SDS: variants seen among roughly 807,000 people sequenced by gnomAD.
The protein encoded by SDS is serine dehydratase.
Under a neutral mutation model 29.3 loss-of-function variants are expected in SDS, and 19 were observed. The ratio of observed to expected loss-of-function variants is 0.65; its 90% CI spans 0.45 to 0.95. The LOEUF is 0.95. Among genes scored for constraint, SDS ranks in the 40% least tolerant of loss-of-function variants. The probability of loss-of-function intolerance (pLI) is 0.00; values close to 1 mark genes in which losing one functional copy is unlikely to be tolerated. For missense variants in SDS, 375 were observed against 439.9 expected (o/e 0.85, Z 1.32); for synonymous variants, 176 against 189.0 (o/e 0.93, Z 0.56).
intron 1 of SDS, among the ~76,000 whole-genome samples, 170 bp from the exon 2 acceptor site, chr12:113,399,880 C>T (rs552596188): frequency 2.6e-5 from 4 of 152,340 alleles, no homozygotes; most frequent in Admixed American, 1.3e-4. Flanking sequence ...CACCATGTGA[C>T]ATCAGACAGG....
rs766361189 is a variant in SDS at position 113,393,092 on chromosome 12, C to T, written c.836G>A (p.Ser279Asn). Residue 279 changes from serine (S) to asparagine (N), a missense_variant, in exon 8 of 8, where the codon AGC (serine) becomes AAC (asparagine). Physicochemically the swap from Ser to Asn is conservative, Grantham distance 46 (BLOSUM62 1). Transcript: ENST00000257549. ...ACGAALAAVY[S>N]HVIQKLQLEG... ...CAGTTGGAGCTTCTGGATCACGTGG[C>T]TATAGACAGCGGCCAGGGCTGCCCC... The T allele has an allele frequency of 1.9e-6, 3 of 1,614,224 alleles. No homozygotes were observed. Among genetic ancestry groups the T allele is most frequent in the Non-Finnish European group, 2.5e-6 (3 of 1,180,038 alleles).
chr12:113,395,448 G>GC (rs1458550125), intron 6 of SDS, among the ~76,000 whole-genome samples: 3 of 152,236 alleles, frequency 2.0e-5, no homozygotes, highest in African/African-American at 7.2e-5. Flanking sequence ...ACTATTGTCT[G>GC]CCCCGGTGTC....
chr12:113,396,469 TTTTC>T (rs1278384261), intron 6 of SDS, among the ~76,000 whole-genome samples: 6 of 110,266 alleles, frequency 5.4e-5, no homozygotes, highest in Non-Finnish European at 1.1e-4. Flanking sequence ...CTTTCTCCTT[TTTTC>T]TTTCTTTCTC....
In SDS at chr12:113,392,862, G is replaced by T; in HGVS notation, c.*79C>A. On this transcript the variant is annotated 3_prime_UTR_variant, in exon 8 of 8. Coordinates refer to ENST00000257549, the MANE Select transcript of SDS (RefSeq NM_006843.3). ...GCCACAGGTGCTCAGCCAAACATACGACGAGGCGCTGGATAAAACTCCAGC... is the reference window on the plus strand; with the variant it reads ...GCCACAGGTGCTCAGCCAAACATACTACGAGGCGCTGGATAAAACTCCAGC... The T allele has an allele frequency of 7.3e-7, 1 of 1,364,830 alleles. No individual in the cohort carries two copies. Among genetic ancestry groups the T allele is most frequent in the Non-Finnish European group, 1.0e-6 (1 of 970,158 alleles). The allele number at this position is 1,364,830 out of a possible 1,614,324, so 84.5% of individuals were successfully genotyped here. A position where few individuals can be genotyped will look rare whatever the true frequency, so the allele number is the denominator to read the frequency against.
chr12:113,401,449 C>T (rs1457084866), intron 1 of SDS, among the ~76,000 whole-genome samples: 2 of 152,074 alleles, frequency 1.3e-5, no homozygotes, highest in African/African-American at 4.8e-5. Context: ...CCAGGCTGGT[C>T]TCCAACTCCT....
At chr12:113,398,213 G>T (rs1957660494) in intron 5 of SDS, among the ~76,000 whole-genome samples, 1 of 152,080 alleles carries the variant, frequency 6.6e-6, no homozygotes, top group Admixed American at 6.5e-5. Context: ...TGGGATTACA[G>T]GCGTGTGTCA....
chr12:113,399,598 G>T lies in SDS; in HGVS notation c.111C>A (p.Ser37=), dbSNP rs757369267. The change falls in exon 2 of 8, where the codon TCC becomes TCA. Residue 37 remains serine, a synonymous_variant. Transcript: ENST00000257549. ...VYLKMDSAQP[S]GSFKIRGIGH... ...CAATGCCCCGGATCTTGAAGGAGCC[G>T]GAGGGCTGGGCACTGTCCATCTTGA... 7 of 1,602,424 alleles carry T rather than the reference G, an allele frequency of 4.4e-6. No individual in the cohort carries two copies. In the East Asian group the frequency reaches 1.6e-4, roughly 36 times the overall value.
intron 5 of SDS, among the ~76,000 whole-genome samples, chr12:113,398,078 T>G (rs34835808): frequency 3.5e-5 from 5 of 141,898 alleles, no homozygotes; most frequent in South Asian, 2.2e-4. Context: ...TTTTTTTTTG[T>G]TTTTTTTTTT....
In SDS at chr12:113,393,899, C is replaced by T. The variant is rs1415695461; in HGVS notation, c.771G>A (p.Lys257=). The T allele has an allele frequency of 5.0e-6, 8 of 1,614,216 alleles. No homozygotes were observed. Among genetic ancestry groups the T allele is most frequent in the Admixed American group, 1.7e-5 (1 of 60,024 alleles). ...SDQEAVAAIE[K]FVDDEKILVE... is the part of the protein sequence containing the mutation. ...GGAGGACCTGGCACATACCCACGAACTTCTCAATGGCGGCCACAGCCTCCT... is the reference window on the plus strand; with the variant it reads ...GGAGGACCTGGCACATACCCACGAATTTCTCAATGGCGGCCACAGCCTCCT... Residue 257 remains lysine, a synonymous_variant, in exon 7 of 8, where the codon AAG becomes AAA. Coordinates refer to ENST00000257549, the MANE Select transcript of SDS (RefSeq NM_006843.3).
At chr12:113,400,666 T>C (rs1027688814) in intron 1 of SDS, among the ~76,000 whole-genome samples, 1 of 151,992 alleles carries the variant, frequency 6.6e-6, no homozygotes, top group African/African-American at 2.4e-5. Flanking sequence ...ATTTTTTTAA[T>C]TTTTTTATTT....
intron 6 of SDS, 42 bp downstream of exon 6, chr12:113,397,123 A>C (rs1957651691): frequency 1.9e-6 from 3 of 1,552,458 alleles, no homozygotes; most frequent in African/African-American, 2.7e-5. Context: ...GGGACTCCCC[A>C]GTGCTTGCTG....
intron 5 of SDS, 21 bp from the exon 6 acceptor site, chr12:113,397,413 G>A: frequency 6.3e-7 from 1 of 1,584,052 alleles, no homozygotes; most frequent in East Asian, 2.2e-5. Context: ...GGGAGAGGGG[G>A]TGGCAGGTCA....
intron 2 of SDS, 34 bp downstream of exon 2, chr12:113,399,521 AC>A: frequency 6.6e-7 from 1 of 1,505,958 alleles, no homozygotes. Context: ...AGGACCTGCC[AC>A]CCCTGCCCAG....
chr12:113,397,059 T>C (rs12820484), intron 6 of SDS, 106 bp downstream of exon 6: 43,407 of 1,027,400 alleles, frequency 0.042, 1,294 homozygotes, highest in African/African-American at 0.11. Context: ...GCCTCCATTG[T>C]CTCATCTGTG....
Position 113,392,994 on chromosome 12 carries a change from G to A in SDS, c.934C>T (p.Gln312Ter). ...AGCTGTTCCTTGAGCGCCCGCAGCT[G>A]GGCCAGGCTGATGTTGCTGCCCCCG... ...VCGGSNISLA[Q>*]LRALKEQLGM... Residue 312 changes from glutamine to a stop codon, truncating the protein, a stop_gained, in exon 8 of 8, where the codon CAG (glutamine) becomes TAG (stop). Transcript: ENST00000257549. LOFTEE classifies it high-confidence loss of function. The A allele has an allele frequency of 6.2e-7, 1 of 1,614,184 alleles. No individual in the cohort carries two copies.
At chr12:113,400,269 G>A (rs150325951) in intron 1 of SDS, among the ~76,000 whole-genome samples, 111 of 151,850 alleles carry the variant, frequency 7.3e-4, no homozygotes, top group African/African-American at 2.4e-3. Context: ...TCCTGCCTGG[G>A]TGACAGAGCA....
intron 6 of SDS, 36 bp from the exon 7 acceptor site, chr12:113,394,052 G>T (rs778287697): frequency 6.2e-7 from 1 of 1,609,242 alleles, no homozygotes; most frequent in East Asian, 2.2e-5. Context: ...GGATGGGAGT[G>T]GGGGAAACAG....
rs142172311 is a variant in SDS at position 113,394,105 on chromosome 12, A to T, written c.654-89T>A. The T allele has an allele frequency of 1.4e-3, 1,857 of 1,295,328 alleles. 21 individuals carry two copies. In the African/African-American group the frequency reaches 0.024, roughly 17 times the overall value. The allele number at this position is 1,295,328 out of a possible 1,614,324, so 80.2% of individuals were successfully genotyped here. On this transcript the variant is annotated intron_variant, in intron 6 of 7. Transcript: ENST00000257549. ...GGAGGGAGAGAAGGAGATGGATGTGAGACAGAGAAGGCAATGCATCTGGGG... is the reference window on the plus strand; with the variant it reads ...GGAGGGAGAGAAGGAGATGGATGTGTGACAGAGAAGGCAATGCATCTGGGG...
In SDS at chr12:113,400,499, T is replaced by C. The variant is rs562563614; in HGVS notation, c.-2-789A>G. Among the ~76,000 whole-genome samples the C allele has an allele frequency of 2.8e-3, 415 of 150,772 alleles. 2 individuals are homozygous for C. The highest frequency in any genetic ancestry group is 3.8e-3 in the Non-Finnish European group (258 of 67,712). ...AAAAAAAAAAAGAATAGTCTATCTATCTATGTGAAAAATTCAGGGACACCC... is the reference window on the plus strand; with the variant it reads ...AAAAAAAAAAAGAATAGTCTATCTACCTATGTGAAAAATTCAGGGACACCC... On this transcript the variant is annotated intron_variant, in intron 1 of 7. Coordinates refer to ENST00000257549, the MANE Select transcript of SDS (RefSeq NM_006843.3).
Sources: allele counts gnomAD v4.1 joint callset (sites outside exome capture counted in the v4.1 genomes callset), GRCh38; gene constraint gnomAD v4.1.1; transcripts MANE v1.5; gene names NCBI Gene and HGNC (gene_info 2026-07-23, HGNC 2026-07-21).